Variants in LRP1 observed in about 807,000 individuals in gnomAD.
The protein encoded by LRP1 is prolow-density lipoprotein receptor-related protein 1.
LRP1 carries 51 observed loss-of-function variants against 541.5 expected under a neutral mutation model. That is an observed-to-expected ratio of 0.09 (90% CI 0.08 to 0.12). LRP1 has a LOEUF of 0.12. Among genes scored for constraint, LRP1 ranks in the 10% least tolerant of loss-of-function variants. The pLI, the probability that LRP1 is intolerant of heterozygous loss-of-function variation, is 1.00. For missense variants in LRP1, 3,878 were observed against 6,376.2 expected (o/e 0.61, Z 13.34); for synonymous variants, 2,219 against 2,470.8 (o/e 0.90, Z 3.02).
chr12:57,200,825 T>TGGGGGGGGGG lies in LRP1; in HGVS notation c.10225+11_10225+12insGGGGGGGGGG. The TGGGGGGGGGG allele has an allele frequency of 6.3e-7, 1 of 1,595,882 alleles. No individual in the cohort carries two copies. The highest frequency in any genetic ancestry group is 8.6e-7 in the Non-Finnish European group (1 of 1,166,786). On this transcript the variant is annotated intron_variant, in intron 64 of 88. Transcript: ENST00000243077. Reference sequence around the variant, plus strand: ...GACGAGGCCAACTGTGGTAAGGCGCTGCCCGCCCACCCTCCCTCCTTCCCC... The same window carrying TGGGGGGGGGG: ...GACGAGGCCAACTGTGGTAAGGCGCTGGGGGGGGGGGCCCGCCCACCCTCCCTCCTTCCCC...
Position 57,184,742 on chromosome 12 carries a change from A to G in LRP1, c.6187-97A>G. On this transcript the variant is annotated intron_variant, in intron 38 of 88. Transcript: ENST00000243077. This position sits in a 1 kb window ranked among gnomAD's most constrained non-coding sequence, Gnocchi z 7.8. ...GAGTGAGTTAGGGGAGGCTGAACTGAGGGCCTCACTCTGGCCCAGGCACTC... is the reference window on the plus strand; with the variant it reads ...GAGTGAGTTAGGGGAGGCTGAACTGGGGGCCTCACTCTGGCCCAGGCACTC... The G allele has an allele frequency of 7.5e-7, 1 of 1,327,500 alleles. No individual in the cohort carries two copies. The highest frequency in any genetic ancestry group is 1.0e-6 in the Non-Finnish European group (1 of 961,556). 82.2% of individuals were successfully genotyped at this position (1,327,500 alleles called of 1,614,324 possible).
chr12:57,143,936 C>A, intron 4 of LRP1, 138 bp downstream of exon 4: 3 of 1,131,618 alleles, frequency 2.7e-6, no homozygotes, highest in Non-Finnish European at 2.4e-6. Context: ...GGTGCCACCA[C>A]CCCAGGGCAT....
At chr12:57,198,767 T>C in intron 60 of LRP1, 97 bp downstream of exon 60, 1 of 1,232,990 alleles carries the variant, frequency 8.1e-7, no homozygotes. Flanking sequence ...AGAGTGGACA[T>C]AAAAAGCGGA....
intron 62 of LRP1, 82 bp from the exon 63 acceptor site, chr12:57,200,360 G>A (rs1592656437): frequency 1.1e-6 from 1 of 904,310 alleles, no homozygotes; most frequent in East Asian, 2.5e-5. Flanking sequence ...CAACTTCTTT[G>A]AAACATCCAA....
Position 57,193,937 on chromosome 12 carries a change from G to C in LRP1, c.7843G>C (p.Gly2615Arg), listed in dbSNP as rs372493625. Residue 2615 changes from glycine (G) to arginine (R), a missense_variant, in exon 48 of 89, where the codon GGG becomes CGG. By Grantham distance (125) the Gly-to-Arg change is moderately radical (BLOSUM62 -2). Transcript: ENST00000243077. Reference protein sequence around the residue: ...CGVGEFRCRDGTCIGNSSRCN... With the variant: ...CGVGEFRCRDRTCIGNSSRCN... ...TGTGGGCGAGTTCCGCTGCCGGGAC[G>C]GGACCTGCATCGGGAACTCCAGCCG... is the stretch of plus-strand genomic sequence containing the variant. The C allele has an allele frequency of 6.2e-7, 1 of 1,614,146 alleles. No homozygotes were observed. The highest frequency in any genetic ancestry group is 1.1e-5 in the South Asian group (1 of 91,082).
At chr12:57,133,617 G>A (rs892914007) in intron 1 of LRP1, among the ~76,000 whole-genome samples, 5 of 86,496 alleles carry the variant, frequency 5.8e-5, no homozygotes, top group South Asian at 3.7e-4. Flanking sequence ...CTCTGTCCCC[G>A]CGCCGCCCCC....
In LRP1 at chr12:57,210,440, G is replaced by A; in HGVS notation, c.12714G>A (p.Glu4238=). 2 of 1,563,308 alleles carry A rather than the reference G, an allele frequency of 1.3e-6. No homozygotes were observed. Among genetic ancestry groups the A allele is most frequent in the Non-Finnish European group, 1.7e-6 (2 of 1,151,088 alleles). The change falls in exon 82 of 89, where the codon GAG becomes GAA. Residue 4238 remains glutamate, a synonymous_variant. Coordinates refer to ENST00000243077, the MANE Select transcript of LRP1 (RefSeq NM_002332.3). ...GDKCELDQCW[E]HCRNGGTCAA... ...AGTGTGAACTGGACCAGTGCTGGGA[G>A]CACTGTCGCAATGGGGGCACCTGTG...
Position 57,185,376 on chromosome 12 carries a change from G to A in LRP1, c.6464-155G>A, listed in dbSNP as rs1334695168. Among the ~76,000 whole-genome samples the A allele has an allele frequency of 6.6e-6, 1 of 152,144 alleles. No homozygotes were observed. Among genetic ancestry groups the A allele is most frequent in the Admixed American group, 6.5e-5 (1 of 15,276 alleles). On this transcript the variant is annotated intron_variant, in intron 40 of 88. Coordinates refer to ENST00000243077, the MANE Select transcript of LRP1 (RefSeq NM_002332.3). The surrounding 1 kb of genome is among the most constrained non-coding windows in gnomAD (Gnocchi z 4.9). ...GGGAGGAAAGGCTGAGGTGCTCTGGGACAGATCTTGGCATTGGACTCTGGG... is the reference window on the plus strand; with the variant it reads ...GGGAGGAAAGGCTGAGGTGCTCTGGAACAGATCTTGGCATTGGACTCTGGG...
At chr12:57,143,839 G>A in intron 4 of LRP1, 41 bp downstream of exon 4, 2 of 1,580,088 alleles carry the variant, frequency 1.3e-6, no homozygotes, top group Non-Finnish European at 8.6e-7. Context: ...GTGTGTGCCA[G>A]TAGCCAGTTG....
chr12:57,191,027 G>C lies in LRP1; in HGVS notation c.7236+18G>C. 3 of 1,603,174 alleles carry C rather than the reference G, an allele frequency of 1.9e-6. No individual in the cohort carries two copies. Among genetic ancestry groups the C allele is most frequent in the Non-Finnish European group, 2.5e-6 (3 of 1,177,070 alleles). Reference sequence around the variant, plus strand: ...ACCGCTATGTGAGTCTGCGGGGTGGGTGAGCTGGCGGGCGGCTGAGGGGAG... The same window carrying C: ...ACCGCTATGTGAGTCTGCGGGGTGGCTGAGCTGGCGGGCGGCTGAGGGGAG... On this transcript the variant is annotated intron_variant, in intron 43 of 88. Coordinates refer to ENST00000243077, the MANE Select transcript of LRP1 (RefSeq NM_002332.3).
rs969670124 is a variant in LRP1, at chr12:57,208,182, G to C, written c.12004G>C (p.Glu4002Gln). ...RKTLISGMID[E>Q]PHAIVVDPLR... ...GACGCTCATCTCGGGCATGATTGAC[G>C]AGCCCCACGCCATTGTGGTGGACCC... The change falls in exon 77 of 89, where the codon GAG becomes CAG. Residue 4002 changes from glutamate to glutamine, a missense_variant. Glu to Gln is a conservative substitution (Grantham distance 29). Transcript: ENST00000243077. The C allele has an allele frequency of 5.0e-6, 8 of 1,613,950 alleles. No homozygotes were observed. The highest frequency in any genetic ancestry group is 6.8e-6 in the Non-Finnish European group (8 of 1,179,954).
chr12:57,167,108 C>G, intron 18 of LRP1, 62 bp downstream of exon 18: 1 of 1,416,166 alleles, frequency 7.1e-7, no homozygotes, highest in Non-Finnish European at 9.9e-7. Flanking sequence ...TGAGAGCATG[C>G]CAGTTGGGGG....
At chr12:57,167,411 AG>A (rs1246137020) in intron 18 of LRP1, 32 bp from the exon 19 acceptor site, 1 of 1,468,132 alleles carries the variant, frequency 6.8e-7, no homozygotes, top group Non-Finnish European at 9.5e-7. Flanking sequence ...GTAATCGTGA[AG>A]GCCCTACTCA....
intron 63 of LRP1, 61 bp downstream of exon 63, chr12:57,200,596 G>T (rs2036628625): frequency 8.4e-6 from 13 of 1,555,578 alleles, no homozygotes; most frequent in Non-Finnish European, 1.2e-5. Flanking sequence ...TGACTCCTGA[G>T]GCTTTGAATG....
intron 1 of LRP1, among the ~76,000 whole-genome samples, chr12:57,129,667 G>C (rs2034997481): frequency 6.6e-6 from 1 of 152,198 alleles, no homozygotes; most frequent in Non-Finnish European, 1.5e-5. Context: ...GTAGGGCTGT[G>C]TTGGGGGGCA....
In LRP1 at chr12:57,173,280, C is replaced by T. The variant is rs2035980430; in HGVS notation, c.3276C>T (p.Ser1092=). Residue 1092 remains serine, a synonymous_variant, in exon 21 of 89, where the codon AGC becomes AGT. Coordinates refer to ENST00000243077, the MANE Select transcript of LRP1 (RefSeq NM_002332.3). The surrounding 1 kb of genome is among the most constrained non-coding windows in gnomAD (Gnocchi z 4.7). ...CDGDTDCMDS[S]DEKSCEGVTH... ...GGGACACTGACTGCATGGACTCCAG[C>T]GATGAGAAGAGCTGTGAGGGAGTGA... 1.9e-6 allele frequency: 3 copies of T among 1,614,052 alleles called. No homozygotes were observed. Among genetic ancestry groups the T allele is most frequent in the South Asian group, 1.1e-5 (1 of 91,084 alleles).
In LRP1 at chr12:57,212,102, C is replaced by A; in HGVS notation, c.13350-15C>A. Reference sequence around the variant, plus strand: ...CCAATAATCTCTGTCTCCTTATACTCCTGCCTTTCCCCAGGGCTAAGGGCT... The same window carrying A: ...CCAATAATCTCTGTCTCCTTATACTACTGCCTTTCCCCAGGGCTAAGGGCT... On this transcript the variant is annotated splice_polypyrimidine_tract_variant and intron_variant, in intron 87 of 88. Transcript: ENST00000243077. The surrounding 1 kb of genome is among the most constrained non-coding windows in gnomAD (Gnocchi z 5.0). 1 of 1,613,722 alleles carries A rather than the reference C, an allele frequency of 6.2e-7. No homozygotes were observed. The highest frequency in any genetic ancestry group is 8.5e-7 in the Non-Finnish European group (1 of 1,179,838).
Position 57,212,071 on chromosome 12 carries a change from T to C in LRP1, c.13350-46T>C. 1 of 1,612,344 alleles carries C rather than the reference T, an allele frequency of 6.2e-7. No individual in the cohort carries two copies. The highest frequency in any genetic ancestry group is 1.1e-5 in the South Asian group (1 of 90,990). ...GGTCATTATTTTGCCATCCTAGCCT[T>C]CCCCCCCAATAATCTCTGTCTCCTT... On this transcript the variant is annotated intron_variant, in intron 87 of 88. Transcript: ENST00000243077. This position sits in a 1 kb window ranked among gnomAD's most constrained non-coding sequence, Gnocchi z 5.0.
At chr12:57,191,832 CA>C (rs2036392742) in intron 44 of LRP1, among the ~76,000 whole-genome samples, 6 of 90,424 alleles carry the variant, frequency 6.6e-5, no homozygotes, top group South Asian at 3.7e-4. Flanking sequence ...CCACACCACA[CA>C]CATACCACAC....
Sources: gnomAD v4.1 joint callset for allele counts (sites outside exome capture counted in the v4.1 genomes callset) on GRCh38, gnomAD v4.1.1 for gene constraint, Gnocchi (gnomAD v3.1) non-coding constraint, MANE v1.5 for transcripts, NCBI Gene and HGNC (gene_info 2026-07-23, HGNC 2026-07-21) for gene names.